ABTB3: variants seen among roughly 807,000 people sequenced by gnomAD.
ABTB3 encodes ankyrin repeat and BTB domain containing 3, also known as ankyrin repeat- and BTB/POZ domain-containing protein 3.
chr12:107,490,958 T>C, the ABTB3 span, among the ~76,000 whole-genome samples: 1 of 152,096 alleles, frequency 6.6e-6, no homozygotes, highest in African/African-American at 2.4e-5. Flanking sequence ...AATTGTTAGC[T>C]AGGACCAAAG....
the ABTB3 span, among the ~76,000 whole-genome samples, chr12:107,423,518 G>A: frequency 6.6e-6 from 1 of 152,218 alleles, no homozygotes; most frequent in Non-Finnish European, 1.5e-5. Context: ...CAGCTATTGT[G>A]TAAGGAGGAT....
chr12:107,426,393 C>A, the ABTB3 span, among the ~76,000 whole-genome samples: 1 of 152,212 alleles, frequency 6.6e-6, no homozygotes, highest in East Asian at 1.9e-4. Flanking sequence ...TGGGACACAG[C>A]CCAGGAATCT....
At chr12:107,445,906 C>T in the ABTB3 span, among the ~76,000 whole-genome samples, 2,117 of 129,608 alleles carry the variant, frequency 0.016, 25 homozygotes, top group Middle Eastern at 0.055. Context: ...CTCCCCTCTC[C>T]CTGTCTTCCC....
chr12:107,530,540 C>T, the ABTB3 span, among the ~76,000 whole-genome samples: 2 of 152,214 alleles, frequency 1.3e-5, no homozygotes, highest in Non-Finnish European at 2.9e-5. Flanking sequence ...GTTTTTTTCT[C>T]CCTGGTATTT....
the ABTB3 span, among the ~76,000 whole-genome samples, chr12:107,486,878 T>C: frequency 6.6e-6 from 1 of 152,008 alleles, no homozygotes; most frequent in South Asian, 2.1e-4. Context: ...ATTTTACAAA[T>C]GAGGAGATCA....
chr12:107,421,613 G>T, the ABTB3 span, among the ~76,000 whole-genome samples: 2 of 152,154 alleles, frequency 1.3e-5, no homozygotes, highest in Non-Finnish European at 2.9e-5. Context: ...TTCGGTAAAC[G>T]ATATAAGCCA....
At chr12:107,419,239 C>T in the ABTB3 span, among the ~76,000 whole-genome samples, 2 of 152,344 alleles carry the variant, frequency 1.3e-5, no homozygotes, top group South Asian at 4.1e-4. Context: ...TGGCCTGTGG[C>T]CTATGAGGGA....
the ABTB3 span, among the ~76,000 whole-genome samples, chr12:107,376,939 T>C: frequency 1.3e-5 from 2 of 152,102 alleles, no homozygotes; most frequent in Non-Finnish European, 2.9e-5. Flanking sequence ...GAGTCCAACA[T>C]CTCACCACTG....
the ABTB3 span, among the ~76,000 whole-genome samples, chr12:107,488,858 AAC>A: frequency 1.3e-5 from 2 of 152,080 alleles, no homozygotes; most frequent in Non-Finnish European, 2.9e-5. Context: ...TGCTATTTAG[AAC>A]AGTGTGTGTA....
the ABTB3 span, among the ~76,000 whole-genome samples, chr12:107,398,716 G>GA: frequency 5.2e-4 from 79 of 152,186 alleles, no homozygotes; most frequent in African/African-American, 1.9e-3. Context: ...ACAGGTAGGG[G>GA]GGTGGATGAC....
the ABTB3 span, chr12:107,612,885 C>A: frequency 6.2e-7 from 1 of 1,610,546 alleles, no homozygotes; most frequent in South Asian, 1.1e-5. Flanking sequence ...GGTGCAGAGG[C>A]CAGCAGGGCC....
chr12:107,453,434 A>G, the ABTB3 span, among the ~76,000 whole-genome samples: 10 of 152,040 alleles, frequency 6.6e-5, no homozygotes, highest in African/African-American at 2.2e-4. Context: ...TATAAAAGAG[A>G]CCCCAGAGAC....
chr12:107,448,728 C>T, the ABTB3 span, among the ~76,000 whole-genome samples: 1 of 151,896 alleles, frequency 6.6e-6, no homozygotes, highest in East Asian at 1.9e-4. Context: ...GCAAACTCCA[C>T]CACCCAGGTT....
At chr12:107,474,918 G>T in the ABTB3 span, among the ~76,000 whole-genome samples, 3 of 152,086 alleles carry the variant, frequency 2.0e-5, no homozygotes, top group Non-Finnish European at 4.4e-5. Context: ...GAAAACAACT[G>T]TTTTAAGGGA....
chr12:107,463,299 G>A, the ABTB3 span, among the ~76,000 whole-genome samples: 1 of 151,854 alleles, frequency 6.6e-6, no homozygotes, highest in Non-Finnish European at 1.5e-5. Flanking sequence ...TGATGGTGGT[G>A]GTGGTGATGA....
At chr12:107,378,692 G>C in the ABTB3 span, among the ~76,000 whole-genome samples, 1 of 152,102 alleles carries the variant, frequency 6.6e-6, no homozygotes, top group South Asian at 2.1e-4. Context: ...CGCCTTCCCT[G>C]TTTCCCTTGT....
At chr12:107,612,375 C>T in the ABTB3 span, among the ~76,000 whole-genome samples, 1 of 152,166 alleles carries the variant, frequency 6.6e-6, no homozygotes, top group East Asian at 1.9e-4. Context: ...AAAGATGACA[C>T]TGTTATATTG....
the ABTB3 span, among the ~76,000 whole-genome samples, chr12:107,563,145 C>T: frequency 2.0e-5 from 3 of 152,292 alleles, no homozygotes; most frequent in African/African-American, 4.8e-5. Flanking sequence ...GAAATTCCTA[C>T]ACTTAATGCA....
At chr12:107,568,560 A>G in the ABTB3 span, among the ~76,000 whole-genome samples, 1 of 152,210 alleles carries the variant, frequency 6.6e-6, no homozygotes, top group East Asian at 1.9e-4. Context: ...TTAGTTCTTC[A>G]ATCACACTAA....
Sources: allele counts gnomAD v4.1 joint callset (sites outside exome capture counted in the v4.1 genomes callset), GRCh38; gene constraint gnomAD v4.1.1; transcripts MANE v1.5; gene names NCBI Gene and HGNC (gene_info 2026-07-23, HGNC 2026-07-21).